MYO9A: variants seen among roughly 807,000 people sequenced by gnomAD.
MYO9A encodes the protein unconventional myosin-IXa.
Under a neutral mutation model 293.3 loss-of-function variants are expected in MYO9A, and 103 were observed. The ratio of observed to expected loss-of-function variants is 0.35; its 90% CI spans 0.30 to 0.41. MYO9A has a LOEUF of 0.41. Among genes scored for constraint, MYO9A ranks in the 10% least tolerant of loss-of-function variants. MYO9A has a pLI of 1.00. For missense variants in MYO9A, 2,685 were observed against 3,033.0 expected (o/e 0.89, Z 2.69); for synonymous variants, 1,001 against 1,035.7 (o/e 0.97, Z 0.64).
intron 26 of MYO9A, chr15:71,892,899 T>G: frequency 9.7e-7 from 1 of 1,031,076 alleles, no homozygotes; most frequent in Non-Finnish European, 1.3e-6. Flanking sequence ...AAGGTTAGCT[T>G]TAGATTAGCA....
chr15:71,975,765 A>G (rs1350724041), intron 12 of MYO9A, among the ~76,000 whole-genome samples: 4 of 152,178 alleles, frequency 2.6e-5, no homozygotes, highest in African/African-American at 9.7e-5. Flanking sequence ...CACTCAGTCT[A>G]TTAGTATGAG....
intron 39 of MYO9A, among the ~76,000 whole-genome samples, chr15:71,830,905 G>GAGAT (rs933112263): frequency 1.3e-5 from 2 of 149,834 alleles, no homozygotes; most frequent in African/African-American, 4.9e-5. Flanking sequence ...GGGTGCTAGT[G>GAGAT]AGATATATTT....
intron 32 of MYO9A, among the ~76,000 whole-genome samples, chr15:71,872,454 G>C (rs1006732767): frequency 6.6e-6 from 1 of 151,998 alleles, no homozygotes; most frequent in African/African-American, 2.4e-5. Context: ...ACTTTATTCT[G>C]TAGGTAGAAG....
intron 24 of MYO9A, 35 bp downstream of exon 24, chr15:71,899,652 A>C: frequency 6.5e-7 from 1 of 1,545,394 alleles, no homozygotes; most frequent in South Asian, 1.2e-5. Flanking sequence ...CTTGGGAAGA[A>C]GAAAAAAAGC....
intron 1 of MYO9A, among the ~76,000 whole-genome samples, chr15:72,112,655 C>G (rs932965421): frequency 6.6e-6 from 1 of 152,132 alleles, no homozygotes; most frequent in South Asian, 2.1e-4. Context: ...TAGGTATGTT[C>G]TTTCTACAGG....
intron 18 of MYO9A, among the ~76,000 whole-genome samples, chr15:71,921,752 C>T (rs1458348358): frequency 1.3e-5 from 2 of 152,088 alleles, no homozygotes; most frequent in African/African-American, 2.4e-5. Flanking sequence ...ATTCCTTTCC[C>T]TCAATGATCT....
intron 1 of MYO9A, among the ~76,000 whole-genome samples, chr15:72,101,706 C>T (rs1401873005): frequency 2.4e-4 from 33 of 139,516 alleles, no homozygotes; most frequent in African/African-American, 8.6e-4. Flanking sequence ...GTCAGCCCCC[C>T]GCCCGGCCAG....
chr15:71,881,055 C>T (rs1458792615), intron 28 of MYO9A, among the ~76,000 whole-genome samples: 1 of 152,002 alleles, frequency 6.6e-6, no homozygotes, highest in Non-Finnish European at 1.5e-5. Context: ...CTGAATACTT[C>T]TGTGATAACA....
chr15:71,847,196 A>T (rs967047384), intron 39 of MYO9A, among the ~76,000 whole-genome samples: 1 of 152,220 alleles, frequency 6.6e-6, no homozygotes, highest in Non-Finnish European at 1.5e-5. Context: ...TTTTAAATGG[A>T]TGCTGTTCAA....
chr15:71,986,879 T>C (rs145184892), intron 11 of MYO9A, among the ~76,000 whole-genome samples: 2 of 152,304 alleles, frequency 1.3e-5, no homozygotes, highest in African/African-American at 4.8e-5. Context: ...TTATAAAGTC[T>C]AACTAGTGTG....
At chr15:71,865,037 GTGGTACATGT>G (rs1439491502) in intron 32 of MYO9A, among the ~76,000 whole-genome samples, 5 of 152,144 alleles carry the variant, frequency 3.3e-5, no homozygotes, top group African/African-American at 1.2e-4. Flanking sequence ...TGATTTTACA[GTGGTACATGT>G]TGATCATTTG....
chr15:71,987,777 A>G (rs1465301834), intron 11 of MYO9A, among the ~76,000 whole-genome samples: 1 of 152,116 alleles, frequency 6.6e-6, no homozygotes, highest in African/African-American at 2.4e-5. Context: ...TTTTAACCTT[A>G]ACTTATTTTA....
intron 12 of MYO9A, among the ~76,000 whole-genome samples, chr15:71,971,026 G>A (rs2075996207): frequency 6.6e-6 from 1 of 151,804 alleles, no homozygotes; most frequent in Non-Finnish European, 1.5e-5. Context: ...CCGGGCATGG[G>A]GGCGGGCGCC....
intron 1 of MYO9A, chr15:72,116,703 G>T (rs1314442726): frequency 3.9e-5 from 6 of 152,212 alleles, no homozygotes; most frequent in Admixed American, 3.3e-4. Flanking sequence ...AATCGACAAG[G>T]AGGTGAAGTA....
intron 11 of MYO9A, among the ~76,000 whole-genome samples, chr15:71,986,646 C>T (rs2076414189): frequency 2.6e-5 from 4 of 151,914 alleles, no homozygotes; most frequent in Admixed American, 2.6e-4. Context: ...TTGCTTTTAA[C>T]AAAAAAGTTT....
intron 11 of MYO9A, among the ~76,000 whole-genome samples, chr15:71,989,551 A>C (rs1458269513): frequency 6.6e-6 from 1 of 152,236 alleles, no homozygotes; most frequent in African/African-American, 2.4e-5. Flanking sequence ...TAAAACCCAA[A>C]GATAAGGAGG....
chr15:71,891,377 A>G (rs2057172940), intron 26 of MYO9A: 1 of 152,228 alleles, frequency 6.6e-6, no homozygotes, highest in Non-Finnish European at 1.5e-5. Flanking sequence ...GTCTATCACC[A>G]AAAGGACTAA....
intron 12 of MYO9A, among the ~76,000 whole-genome samples, chr15:71,973,974 G>A (rs576842908): frequency 7.2e-5 from 11 of 152,194 alleles, no homozygotes; most frequent in Non-Finnish European, 1.3e-4. Flanking sequence ...GAATGTAGAA[G>A]GTAAGTGAGA....
intron 12 of MYO9A, among the ~76,000 whole-genome samples, chr15:71,974,514 A>G (rs1296525087): frequency 6.6e-6 from 1 of 152,160 alleles, no homozygotes; most frequent in African/African-American, 2.4e-5. Context: ...TCCCCAGATG[A>G]CCTCAAAAAG....
Sources: allele counts gnomAD v4.1 joint callset (sites outside exome capture counted in the v4.1 genomes callset), GRCh38; gene constraint gnomAD v4.1.1; transcripts MANE v1.5; gene names NCBI Gene and HGNC (gene_info 2026-07-23, HGNC 2026-07-21).